CNTNAP4: variants seen among roughly 807,000 people sequenced by gnomAD.
CNTNAP4 encodes contactin associated protein family member 4.
Under a neutral mutation model 148.4 loss-of-function variants are expected in CNTNAP4, and 98 were observed. The observed-to-expected ratio is 0.66, with a 90% CI of 0.56 to 0.78. The LOEUF is 0.78. Among genes scored for constraint, CNTNAP4 ranks in the 30% least tolerant of loss-of-function variants. CNTNAP4 has a pLI of 0.00. For missense variants in CNTNAP4, 1,935 were observed against 1,565.6 expected (o/e 1.24, Z -3.98); for synonymous variants, 730 against 565.1 (o/e 1.29, Z -4.14).
At chr16:76,469,020 A>G (rs1230446446) in intron 10 of CNTNAP4, among the ~76,000 whole-genome samples, 2 of 152,208 alleles carry the variant, frequency 1.3e-5, no homozygotes, top group African/African-American at 4.8e-5. Flanking sequence ...CTTTTATAAG[A>G]CATTTTGTCA....
chr16:76,355,604 C>G (rs941972245), intron 3 of CNTNAP4, 93 bp downstream of exon 3: 1 of 826,814 alleles, frequency 1.2e-6, no homozygotes. Context: ...AGTAGACATA[C>G]AGAATCTGCA....
intron 13 of CNTNAP4, among the ~76,000 whole-genome samples, chr16:76,493,971 G>A (rs1159876237): frequency 6.6e-6 from 1 of 152,144 alleles, no homozygotes; most frequent in Non-Finnish European, 1.5e-5. Context: ...CAACTTGAAG[G>A]TTTGAAAGTC....
intron 3 of CNTNAP4, among the ~76,000 whole-genome samples, chr16:76,375,895 G>A (rs934752200): frequency 6.6e-6 from 1 of 152,312 alleles, no homozygotes; most frequent in African/African-American, 2.4e-5. Flanking sequence ...TGTCATCTCT[G>A]TTATCAGATT....
rs567802043 is a variant in CNTNAP4, at chr16:76,324,107, C to A, written c.196+7584C>A. On this transcript the variant is annotated intron_variant, in intron 2 of 23. Transcript: ENST00000611870. ...CCTCAATAAGAAGGTGAGGGGAGTA[C>A]CTTAAGGCAGATTATCCTTCTAAGT... is the stretch of plus-strand genomic sequence containing the variant. Among the ~76,000 whole-genome samples, 22 of 152,176 alleles carry A rather than the reference C, an allele frequency of 1.4e-4. No homozygotes were observed. The South Asian group carries it at 2.9e-3, about 20-fold the overall frequency.
At chr16:76,351,115 G>A (rs919012187) in intron 2 of CNTNAP4, among the ~76,000 whole-genome samples, 4 of 152,108 alleles carry the variant, frequency 2.6e-5, no homozygotes, top group African/African-American at 7.2e-5. Flanking sequence ...CTAAAATCAC[G>A]AGGTCAAATA....
chr16:76,510,423 C>T (rs1195087610), intron 15 of CNTNAP4, among the ~76,000 whole-genome samples: 1 of 151,482 alleles, frequency 6.6e-6, no homozygotes, highest in Admixed American at 6.6e-5. Context: ...GGGCTGGATC[C>T]ACTTTTTGGA....
At chr16:76,521,846 T>C (rs895021647) in intron 16 of CNTNAP4, among the ~76,000 whole-genome samples, 193 bp from the exon 17 acceptor site, 1 of 152,176 alleles carries the variant, frequency 6.6e-6, no homozygotes, top group Non-Finnish European at 1.5e-5. Context: ...TGTATTTAAC[T>C]GTCTCATTTC....
In CNTNAP4 at chr16:76,314,371, A is replaced by T. The variant is rs75484326; in HGVS notation, c.86-2042A>T. On this transcript the variant is annotated intron_variant, in intron 1 of 23. Coordinates refer to ENST00000611870, the MANE Select transcript of CNTNAP4 (RefSeq NM_033401.5). ...AAAGTAAAGTGGTGAAAGTTCAGTGACTCGATAGACAGAGTAGGGCATTCA... is the reference window on the plus strand; with the variant it reads ...AAAGTAAAGTGGTGAAAGTTCAGTGTCTCGATAGACAGAGTAGGGCATTCA... 3.0e-3 allele frequency among the ~76,000 whole-genome samples: 455 copies of T among 152,284 alleles called. 3 individuals are homozygous for T. The highest frequency in any genetic ancestry group is 0.01 in the African/African-American group (430 of 41,576).
intron 17 of CNTNAP4, among the ~76,000 whole-genome samples, chr16:76,523,118 T>C (rs192810496): frequency 3.9e-5 from 6 of 152,160 alleles, no homozygotes; most frequent in Admixed American, 2.0e-4. Flanking sequence ...CTTATTTATT[T>C]ATTATCTTAT....
chr16:76,372,226 G>A (rs1440868727), intron 3 of CNTNAP4, among the ~76,000 whole-genome samples: 5 of 144,896 alleles, frequency 3.5e-5, no homozygotes, highest in African/African-American at 5.1e-5. Context: ...TGCAAGCTCC[G>A]CCTCCCAGGT....
chr16:76,407,716 C>T (rs537374666), intron 3 of CNTNAP4, among the ~76,000 whole-genome samples: 9 of 152,218 alleles, frequency 5.9e-5, no homozygotes, highest in African/African-American at 1.9e-4. Context: ...ATGGAATCTA[C>T]TCCTGGTGAA....
intron 12 of CNTNAP4, among the ~76,000 whole-genome samples, chr16:76,484,979 C>CT (rs956145112): frequency 6.6e-6 from 1 of 152,188 alleles, no homozygotes; most frequent in African/African-American, 2.4e-5. Context: ...AAAAAAATCT[C>CT]TATTTTGAAT....
chr16:76,457,618 T>C lies in CNTNAP4; in HGVS notation c.1334-4338T>C, dbSNP rs72797079. ...CAATGACTGCCCAGAGCCCTGCTAC[T>C]CAAAGTATGGGTCCTGGACCAGCAC... On this transcript the variant is annotated intron_variant, in intron 8 of 23. Transcript: ENST00000611870. Among the ~76,000 whole-genome samples, 341 of 152,260 alleles carry C rather than the reference T, an allele frequency of 2.2e-3. 2 individuals are homozygous for C. Among genetic ancestry groups the C allele is most frequent in the Non-Finnish European group, 3.7e-3 (254 of 68,026 alleles).
intron 2 of CNTNAP4, among the ~76,000 whole-genome samples, chr16:76,334,966 G>C (rs1032260248): frequency 1.3e-5 from 2 of 152,064 alleles, no homozygotes; most frequent in African/African-American, 4.8e-5. Flanking sequence ...TAGTATTTGT[G>C]ATCATTTGGT....
rs568115787 is a variant in CNTNAP4, at chr16:76,392,403, C to G, written c.391-35049C>G. ...CCCAAATCATTGGAAAGCCACAAAC[C>G]TGGATATTAAGTATCTAGCATGAGT... On this transcript the variant is annotated intron_variant, in intron 3 of 23. Coordinates refer to ENST00000611870, the MANE Select transcript of CNTNAP4 (RefSeq NM_033401.5). Among the ~76,000 whole-genome samples, 68 of 152,208 alleles carry G rather than the reference C, an allele frequency of 4.5e-4. No individual in the cohort carries two copies. In the South Asian group the frequency reaches 0.013, roughly 29 times the overall value.
chr16:76,527,374 A>G (rs79444299), intron 17 of CNTNAP4, among the ~76,000 whole-genome samples: 2,995 of 152,210 alleles, frequency 0.02, 101 homozygotes, highest in African/African-American at 0.068. Context: ...CTTCAATCCA[A>G]TATAATTGAT....
intron 3 of CNTNAP4, among the ~76,000 whole-genome samples, chr16:76,358,080 T>C (rs1466265875): frequency 6.6e-6 from 1 of 152,198 alleles, no homozygotes; most frequent in African/African-American, 2.4e-5. Context: ...ACATCTGTAA[T>C]CCCAGGGCTT....
At chr16:76,361,674 C>T (rs1163892489) in intron 3 of CNTNAP4, among the ~76,000 whole-genome samples, 2 of 152,130 alleles carry the variant, frequency 1.3e-5, no homozygotes, top group East Asian at 3.8e-4. Context: ...GGATAAATAC[C>T]TGGGATCAGG....
At chr16:76,441,231 T>C (rs76658821) in intron 4 of CNTNAP4, among the ~76,000 whole-genome samples, 263 of 152,254 alleles carry the variant, frequency 1.7e-3, no homozygotes, top group African/African-American at 6.1e-3. Flanking sequence ...AAGTGTTCTT[T>C]GTTTTTATGC....
Sources: gnomAD v4.1 joint callset for allele counts (sites outside exome capture counted in the v4.1 genomes callset) on GRCh38, gnomAD v4.1.1 for gene constraint, MANE v1.5 for transcripts, NCBI Gene and HGNC (gene_info 2026-07-23, HGNC 2026-07-21) for gene names.